SAMD4B: variants seen among roughly 807,000 people sequenced by gnomAD.
SAMD4B encodes the protein sterile alpha motif domain containing 4B.
SAMD4B carries 5 observed loss-of-function variants against 74.5 expected under a neutral mutation model. That is an observed-to-expected ratio of 0.07 (90% CI 0.04 to 0.14). The LOEUF is 0.14. SAMD4B is among the 10% of genes least tolerant of loss of function. The pLI, the probability that SAMD4B is intolerant of heterozygous loss-of-function variation, is 1.00. For synonymous variants in SAMD4B, 373 were observed against 374.9 expected (o/e 1.00, Z 0.06); for missense variants, 608 against 921.8 (o/e 0.66, Z 4.41).
At chr19:39,387,085 A>G (rs1036437492), downstream of SAMD4B, 12 of 519,816 alleles carry the variant, frequency 2.3e-5, no homozygotes, top group African/African-American at 1.7e-4. Context: ...ACAGGGACAC[A>G]TTCTGAGATA....
intron 3 of SAMD4B, among the ~76,000 whole-genome samples, chr19:39,359,177 C>T (rs1358239080): frequency 6.6e-6 from 1 of 152,188 alleles, no homozygotes; most frequent in African/African-American, 2.4e-5. Context: ...AGTGGGGGCT[C>T]CTGTGGGGCA....
At position 39,380,493 on chromosome 19, in the gene SAMD4B, C is replaced by T; in HGVS notation, c.1650-94C>T. 4 of 1,315,584 alleles carry T rather than the reference C, an allele frequency of 3.0e-6. No individual in the cohort carries two copies. In the South Asian group the frequency reaches 4.7e-5, roughly 16 times the overall value. The allele number at this position is 1,315,584 out of a possible 1,614,324, so 81.5% of individuals were successfully genotyped here. A position where few individuals can be genotyped will look rare whatever the true frequency, so the allele number is the denominator to read the frequency against. ...TGTGTGATGGAGGTTTATGTTCTCT[C>T]CTACAACTTGGGGTTGTTGGGGAAG... On this transcript the variant is annotated intron_variant, in intron 10 of 13. Coordinates refer to ENST00000610417, the MANE Select transcript of SAMD4B (RefSeq NM_001384574.2).
At chr19:39,379,526 C>G (rs1340823406) in intron 9 of SAMD4B, among the ~76,000 whole-genome samples, 1 of 152,232 alleles carries the variant, frequency 6.6e-6, no homozygotes, top group African/African-American at 2.4e-5. Context: ...GGCATGGTCA[C>G]CTCTGCATCC....
rs1475167770 is a variant in SAMD4B, at chr19:39,378,175, C to T, written c.1445-329C>T. ...AGGGGATGGGGATGGTGAAATTTATCACAGCTTCAGCCTTTCCTAAAGCAG... is the reference window on the plus strand; with the variant it reads ...AGGGGATGGGGATGGTGAAATTTATTACAGCTTCAGCCTTTCCTAAAGCAG... On this transcript the variant is annotated intron_variant, in intron 8 of 13. Transcript: ENST00000610417. This position sits in a 1 kb window ranked among gnomAD's most constrained non-coding sequence, Gnocchi z 4.4. Among the ~76,000 whole-genome samples the T allele has an allele frequency of 6.6e-6, 1 of 152,160 alleles. No individual in the cohort carries two copies. The highest frequency in any genetic ancestry group is 1.5e-5 in the Non-Finnish European group (1 of 68,036).
rs575840810 is a variant in SAMD4B at position 39,373,446 on chromosome 19, T to G, written c.668-2204T>G. Among the ~76,000 whole-genome samples, 5 of 151,588 alleles carry G rather than the reference T, an allele frequency of 3.3e-5. No homozygotes were observed. In the South Asian group the frequency reaches 1.0e-3, roughly 32 times the overall value. On this transcript the variant is annotated intron_variant, in intron 4 of 13. Coordinates refer to ENST00000610417, the MANE Select transcript of SAMD4B (RefSeq NM_001384574.2). ...CATTCTCCATGGACCCACAGTCCAGTGCAAGAGGGAGGCTAGTGAGGAGGG... is the reference window on the plus strand; with the variant it reads ...CATTCTCCATGGACCCACAGTCCAGGGCAAGAGGGAGGCTAGTGAGGAGGG...
intron 3 of SAMD4B, among the ~76,000 whole-genome samples, chr19:39,366,478 AC>A (rs1287424435): frequency 2.0e-5 from 3 of 152,198 alleles, no homozygotes; most frequent in African/African-American, 4.8e-5. Flanking sequence ...AAAATAGAAA[AC>A]AAAAACTAAC....
At chr19:39,381,759 C>T (rs544393533) in intron 12 of SAMD4B, among the ~76,000 whole-genome samples, 1 of 152,266 alleles carries the variant, frequency 6.6e-6, no homozygotes, top group South Asian at 2.1e-4. Flanking sequence ...GGCGAAACCC[C>T]ATCTGTACAA....
chr19:39,381,453 A>G (rs954810632), intron 12 of SAMD4B, among the ~76,000 whole-genome samples: 5 of 152,030 alleles, frequency 3.3e-5, no homozygotes, highest in African/African-American at 9.7e-5. Context: ...CTCAACTTAG[A>G]AGGGGTTGAG....
At chr19:39,360,933 A>G (rs2076609763) in intron 3 of SAMD4B, among the ~76,000 whole-genome samples, 1 of 152,084 alleles carries the variant, frequency 6.6e-6, no homozygotes, top group Admixed American at 6.5e-5. Flanking sequence ...GTGAGAGGTG[A>G]TGCCCTGCTG....
chr19:39,390,576 G>A (rs372022712), downstream of SAMD4B, among the ~76,000 whole-genome samples: 59 of 152,322 alleles, frequency 3.9e-4, 3 homozygotes, highest in South Asian at 0.011. Flanking sequence ...ATCGTCTTCG[G>A]AAGAGGGGTC....
chr19:39,371,619 C>A (rs2145712488), intron 4 of SAMD4B, among the ~76,000 whole-genome samples: 1 of 152,196 alleles, frequency 6.6e-6, no homozygotes, highest in East Asian at 1.9e-4. Flanking sequence ...GAGTTCGAGA[C>A]CAGCCTGACC....
Position 39,353,663 on chromosome 19 carries a change from A to G in SAMD4B, c.-266-343A>G, listed in dbSNP as rs573066588. 2.0e-5 allele frequency among the ~76,000 whole-genome samples: 3 copies of G among 152,214 alleles called. No homozygotes were observed. In the East Asian group the frequency reaches 5.8e-4, roughly 29 times the overall value. On this transcript the variant is annotated intron_variant, in intron 1 of 13. Transcript: ENST00000610417. ...GTCACCCAGGCTGGAGTGCAGTGGC[A>G]TAATCTCGGCTCACTGCAGCCTCCA...
chr19:39,375,666 C>A lies in SAMD4B; in HGVS notation c.684C>A (p.Ile228=). 1 of 1,602,662 alleles carries A rather than the reference C, an allele frequency of 6.2e-7. No homozygotes were observed. The highest frequency in any genetic ancestry group is 2.2e-5 in the East Asian group (1 of 44,488). The change falls in exon 5 of 14, where the codon ATC becomes ATA. Residue 228 remains isoleucine (I), a synonymous_variant. Transcript: ENST00000610417. The surrounding 1 kb of genome is among the most constrained non-coding windows in gnomAD (Gnocchi z 4.1). ...SNANTGLPCQ[I]HPSPLKRSMS... ...TCTGGCCAGGTCTCCCCTGCCAAAT[C>A]CACCCTAGCCCACTGAAGCGCTCCA...
downstream of SAMD4B, chr19:39,386,443 C>T (rs372201513): frequency 4.3e-6 from 7 of 1,613,980 alleles, no homozygotes; most frequent in Admixed American, 1.7e-5. The surrounding 1 kb of genome is among the most constrained non-coding windows in gnomAD (Gnocchi z 6.1). Flanking sequence ...ACTTTTCCAC[C>T]CTCCCAGGGC....
At chr19:39,367,288 G>A (rs2096423740) in intron 3 of SAMD4B, among the ~76,000 whole-genome samples, 1 of 152,128 alleles carries the variant, frequency 6.6e-6, no homozygotes, top group Non-Finnish European at 1.5e-5. Context: ...ACATCTCTCA[G>A]AACTCCTTTG....
chr19:39,383,198 T>G lies in SAMD4B; in HGVS notation c.1973-10T>G, dbSNP rs753329789. The stretch of plus-strand genomic sequence containing the variant: ...TCCTTACCACCCCCATTCTCCTCTC[T>G]CCCACCCAGACTGCCCGGTTCCTGG... On this transcript the variant is annotated splice_polypyrimidine_tract_variant and intron_variant, in intron 12 of 13. Transcript: ENST00000610417. This position sits in a 1 kb window ranked among gnomAD's most constrained non-coding sequence, Gnocchi z 4.1. The G allele has an allele frequency of 6.2e-7, 1 of 1,613,642 alleles. No homozygotes were observed. Among genetic ancestry groups the G allele is most frequent in the South Asian group, 1.1e-5 (1 of 91,054 alleles).
At chr19:39,357,915 T>C (rs1409086526) in intron 3 of SAMD4B, among the ~76,000 whole-genome samples, 1 of 152,232 alleles carries the variant, frequency 6.6e-6, no homozygotes, top group Admixed American at 6.5e-5. Flanking sequence ...TTCAGAATAA[T>C]AGTTCATATT....
intron 3 of SAMD4B, among the ~76,000 whole-genome samples, chr19:39,359,748 GCTCTTGACCAATAGA>G (rs1348396265): frequency 5.3e-5 from 8 of 152,172 alleles, no homozygotes; most frequent in Admixed American, 4.6e-4. Context: ...GTTCTTTAGA[GCTCTTGACCAATAGA>G]CTCTTCCACA....
Position 39,385,360 on chromosome 19 carries a change from G to C in SAMD4B, c.*1833G>C. On this transcript the variant is annotated 3_prime_UTR_variant, in exon 14 of 14. Coordinates refer to ENST00000610417, the MANE Select transcript of SAMD4B (RefSeq NM_001384574.2). ...TGTTCACTCTCCATCAGGGTGAGCT[G>C]ACTGTGCCTGGCACTGGGAGGTGGT... The C allele has an allele frequency of 2.5e-6, 1 of 402,572 alleles. No homozygotes were observed. The highest frequency in any genetic ancestry group is 4.4e-6 in the Non-Finnish European group (1 of 228,256). The allele number at this position is 402,572 out of a possible 1,614,324, so 24.9% of individuals were successfully genotyped here. A position where few individuals can be genotyped will look rare whatever the true frequency, so the allele number is the denominator to read the frequency against.
Sources: allele counts gnomAD v4.1 joint callset (sites outside exome capture counted in the v4.1 genomes callset), GRCh38; gene constraint gnomAD v4.1.1; non-coding constraint Gnocchi (gnomAD v3.1); transcripts MANE v1.5; gene names NCBI Gene and HGNC (gene_info 2026-07-23, HGNC 2026-07-21).